Variants in DSCAM observed in about 807,000 individuals in gnomAD.
DSCAM encodes DS cell adhesion molecule, also known as cell adhesion molecule DSCAM.
DSCAM carries 47 observed loss-of-function variants against 217.7 expected under a neutral mutation model. That is an observed-to-expected ratio of 0.22 (90% CI 0.17 to 0.28). DSCAM has a LOEUF of 0.28. DSCAM is among the 10% of genes least tolerant of loss of function. DSCAM has a pLI of 1.00. For missense variants in DSCAM, 2,080 were observed against 2,618.3 expected (o/e 0.79, Z 4.49); for synonymous variants, 1,056 against 1,015.3 (o/e 1.04, Z -0.76).
At chr21:40,283,181 T>A (rs1038693966) in intron 10 of DSCAM, among the ~76,000 whole-genome samples, 7 of 152,372 alleles carry the variant, frequency 4.6e-5, no homozygotes, top group Non-Finnish European at 1.0e-4. Context: ...TTTAGATTCA[T>A]CTTTATTCTA....
intron 16 of DSCAM, among the ~76,000 whole-genome samples, chr21:40,156,295 G>C (rs1229907534): frequency 6.2e-5 from 5 of 80,548 alleles, no homozygotes; most frequent in Non-Finnish European, 2.3e-5. Context: ...GACAGAGAGA[G>C]AGAGAGAGAG....
intron 1 of DSCAM, among the ~76,000 whole-genome samples, chr21:40,826,399 A>G (rs1015777268): frequency 6.6e-6 from 1 of 152,148 alleles, no homozygotes; most frequent in Non-Finnish European, 1.5e-5. Flanking sequence ...CAGGCCATGG[A>G]AGGGGTTTGA....
chr21:40,758,974 T>C (rs1043240691), intron 1 of DSCAM, among the ~76,000 whole-genome samples: 7 of 152,146 alleles, frequency 4.6e-5, no homozygotes, highest in Non-Finnish European at 7.4e-5. Context: ...TAGATCATCA[T>C]AAATAAAGAA....
intron 3 of DSCAM, among the ~76,000 whole-genome samples, chr21:40,447,217 C>G (rs144167251): frequency 6.6e-6 from 1 of 152,190 alleles, no homozygotes; most frequent in East Asian, 1.9e-4. Context: ...TCCTTACAGT[C>G]TCATACCCAA....
At chr21:40,164,909 T>C (rs73230312) in intron 16 of DSCAM, among the ~76,000 whole-genome samples, 36,416 of 152,174 alleles carry the variant, frequency 0.24, 4,709 homozygotes, top group South Asian at 0.28. Context: ...ATTAAATAAA[T>C]GTAATATCTA....
intron 28 of DSCAM, among the ~76,000 whole-genome samples, chr21:40,057,022 C>A (rs2089036323): frequency 6.6e-6 from 1 of 152,218 alleles, no homozygotes; most frequent in Admixed American, 6.5e-5. Flanking sequence ...CACTCAAGTA[C>A]CCCCTTAGAT....
rs141911963 is a variant in DSCAM, at chr21:40,257,469, A to AACACACACACACACACACACACACACAC, written c.2356+18600_2356+18627dup. 8.5e-4 allele frequency among the ~76,000 whole-genome samples: 123 copies of AACACACACACACACACACACACACACAC among 144,778 alleles called. 1 individual carries two copies. The highest frequency in any genetic ancestry group is 1.3e-3 in the Admixed American group (19 of 14,586). 95.0% of individuals were successfully genotyped at this position (144,778 alleles called of 152,430 possible). ...TTCAAAGGGCTGGCTGTATTTGCTGAACACACACACACACACACACACACA... is the reference window on the plus strand; with the variant it reads ...TTCAAAGGGCTGGCTGTATTTGCTGAACACACACACACACACACACACACACACACACACACACACACACACACACACA... On this transcript the variant is annotated intron_variant, in intron 11 of 32. Coordinates refer to ENST00000400454, the MANE Select transcript of DSCAM (RefSeq NM_001389.5).
rs145215716 is a variant in DSCAM at position 40,404,637 on chromosome 21, G to A, written c.509-35392C>T. Among the ~76,000 whole-genome samples, 178 of 152,210 alleles carry A rather than the reference G, an allele frequency of 1.2e-3. 3 individuals carry two copies. In the East Asian group the frequency reaches 0.019, roughly 16 times the overall value. ...AATTCCACTTTTAGATATCCTCTCC[G>A]GAAAGTTCTATCATTGCCAACACTC... On this transcript the variant is annotated intron_variant, in intron 3 of 32. Transcript: ENST00000400454.
At chr21:40,402,594 T>C (rs1189973337) in intron 3 of DSCAM, among the ~76,000 whole-genome samples, 1 of 152,008 alleles carries the variant, frequency 6.6e-6, no homozygotes, top group Non-Finnish European at 1.5e-5. Flanking sequence ...TACCTAAAGT[T>C]AGGCAGACTG....
intron 3 of DSCAM, among the ~76,000 whole-genome samples, chr21:40,378,209 TTTAA>T (rs2074982171): frequency 6.6e-6 from 1 of 152,186 alleles, no homozygotes; most frequent in Non-Finnish European, 1.5e-5. Flanking sequence ...TGAATTACGT[TTTAA>T]TTAATTGCTG....
rs1053643294 is a variant in DSCAM, at chr21:40,112,113, AT to A, written c.3696+12081del. Among the ~76,000 whole-genome samples the A allele has an allele frequency of 2.7e-5, 4 of 148,728 alleles. No homozygotes were observed. In the South Asian group the frequency reaches 6.4e-4, roughly 24 times the overall value. On this transcript the variant is annotated intron_variant, in intron 20 of 32. Transcript: ENST00000400454. ...TCCACCCCAAATCAACAGAATACAC[AT>A]TTTTTTCAGCACCACACCACACGTA... is the stretch of plus-strand genomic sequence containing the variant.
At chr21:40,485,531 C>T (rs1433591473) in intron 3 of DSCAM, among the ~76,000 whole-genome samples, 8 of 151,972 alleles carry the variant, frequency 5.3e-5, no homozygotes, top group South Asian at 2.1e-4. Flanking sequence ...CGTGAGCCAC[C>T]GCGCCCGGCC....
intron 15 of DSCAM, among the ~76,000 whole-genome samples, chr21:40,178,401 A>G (rs1183383802): frequency 6.6e-6 from 1 of 152,182 alleles, no homozygotes; most frequent in Non-Finnish European, 1.5e-5. Context: ...GCAACACTAA[A>G]TATAATGTTG....
chr21:40,518,692 GTA>G (rs373669279), intron 3 of DSCAM, among the ~76,000 whole-genome samples: 4 of 135,796 alleles, frequency 2.9e-5, no homozygotes, highest in Non-Finnish European at 4.6e-5. Context: ...GTATATATAT[GTA>G]TATATATATA....
At chr21:40,242,125 G>A (rs2073160880) in intron 11 of DSCAM, among the ~76,000 whole-genome samples, 1 of 151,518 alleles carries the variant, frequency 6.6e-6, no homozygotes, top group Non-Finnish European at 1.5e-5. Context: ...GAAGAAACCT[G>A]CATGTGTACC....
At chr21:40,071,228 G>C (rs895665674) in intron 27 of DSCAM, among the ~76,000 whole-genome samples, 2 of 151,940 alleles carry the variant, frequency 1.3e-5, no homozygotes, top group Admixed American at 6.6e-5. Flanking sequence ...GAAAAACCAG[G>C]GCATCATTAA....
intron 3 of DSCAM, among the ~76,000 whole-genome samples, chr21:40,554,024 G>T (rs2076650907): frequency 6.6e-6 from 1 of 151,900 alleles, no homozygotes; most frequent in Non-Finnish European, 1.5e-5. Context: ...TTAAGACAGG[G>T]TCATGCTAGA....
At chr21:40,523,718 G>A (rs1404147156) in intron 3 of DSCAM, among the ~76,000 whole-genome samples, 1 of 152,178 alleles carries the variant, frequency 6.6e-6, no homozygotes, top group African/African-American at 2.4e-5. Context: ...CTCTGTCTTT[G>A]TGATAAGGCA....
chr21:40,228,643 CT>C lies in DSCAM; in HGVS notation c.2357-39406del, dbSNP rs566256586. Reference sequence around the variant, plus strand: ...CTTTCTTTCCCCCTCCACCTCTTTTCTTTTTTTTTTTTTTCTTGGTACTTCT... The same window carrying C: ...CTTTCTTTCCCCCTCCACCTCTTTTCTTTTTTTTTTTTTCTTGGTACTTCT... On this transcript the variant is annotated intron_variant, in intron 11 of 32. Transcript: ENST00000400454. 5.0e-3 allele frequency among the ~76,000 whole-genome samples: 680 copies of C among 134,694 alleles called. 4 individuals carry two copies. Among genetic ancestry groups the C allele is most frequent in the African/African-American group, 0.011 (385 of 35,220 alleles). The allele number at this position is 134,694 out of a possible 152,430, so 88.4% of individuals were successfully genotyped here.
Sources: allele counts gnomAD v4.1 joint callset (sites outside exome capture counted in the v4.1 genomes callset), GRCh38; gene constraint gnomAD v4.1.1; transcripts MANE v1.5; gene names NCBI Gene and HGNC (gene_info 2026-07-23, HGNC 2026-07-21).